Variants in DYSF observed in about 807,000 individuals in gnomAD.
The protein encoded by DYSF is dystrophy-associated fer-1-like 1.
A neutral mutation model predicts 274.9 loss-of-function variants in DYSF; 212 were observed. The observed-to-expected ratio is 0.77, with a 90% confidence interval of 0.69 to 0.86. The LOEUF is 0.86. Among genes scored for constraint, DYSF ranks in the 40% least tolerant of loss-of-function variants. DYSF has a pLI of 0.00. For missense variants in DYSF, 2,666 were observed against 2,783.2 expected, an observed-to-expected ratio of 0.96 and a Z score of 0.95; for synonymous variants, 1,091 against 1,078.7, an observed-to-expected ratio of 1.01 and a Z score of -0.22.
At chr2:71,526,105 T>C in intron 12 of DYSF, 115 bp from the exon 13 acceptor site, 1 of 1,590,376 alleles carries the variant, frequency 6.3e-7, no homozygotes, top group Non-Finnish European at 8.6e-7. Context: ...CGGAGCGCAG[T>C]CTGCCTTACT....
At chr2:71,537,756 G>A (rs745312838) in intron 16 of DYSF, among the ~76,000 whole-genome samples, 1 of 152,146 alleles carries the variant, frequency 6.6e-6, no homozygotes, top group African/African-American at 2.4e-5. Flanking sequence ...AAGAAAAATT[G>A]AAGCACCATG....
chr2:71,666,168 CG>C (rs1162988183), intron 47 of DYSF, among the ~76,000 whole-genome samples: 1 of 151,940 alleles, frequency 6.6e-6, no homozygotes, highest in Non-Finnish European at 1.5e-5. Flanking sequence ...CATCTGTTTT[CG>C]GGGGAGTCTC....
intron 17 of DYSF, among the ~76,000 whole-genome samples, chr2:71,540,901 C>T (rs967203540): frequency 6.6e-6 from 1 of 152,024 alleles, no homozygotes; most frequent in Non-Finnish European, 1.5e-5. Context: ...TTTTATGTAG[C>T]CAAATCTGTT....
chr2:71,661,208 A>T (rs575044012), intron 45 of DYSF, among the ~76,000 whole-genome samples: 5 of 150,990 alleles, frequency 3.3e-5, no homozygotes, highest in African/African-American at 1.2e-4. Flanking sequence ...TTTTTAAGAT[A>T]AACTTTTACT....
In DYSF at chr2:71,528,308, C is replaced by T. The variant is rs769254776; in HGVS notation, c.1287C>T (p.Ala429=). 3.5e-5 allele frequency: 56 copies of T among 1,613,768 alleles called. No individual in the cohort carries two copies. The highest frequency in any genetic ancestry group is 3.3e-4 in the East Asian group (15 of 44,884). Residue 429 remains alanine, a synonymous_variant, in exon 14 of 56, where the codon GCC becomes GCT. Transcript: ENST00000410020. ...TGTCCCTCTTCCCAGTGGACGATGC[C>T]GTGATGGACAACGTGAAACAGATCT... ...RAEDLPQMDD[A]VMDNVKQIFG...
At chr2:71,641,873 T>C (rs145720505) in intron 41 of DYSF, among the ~76,000 whole-genome samples, 7 of 152,348 alleles carry the variant, frequency 4.6e-5, no homozygotes, top group Admixed American at 1.3e-4. Context: ...GATAGTGGTT[T>C]TATTTCTGGG....
At chr2:71,683,494 T>A (rs571205887) in intron 55 of DYSF, among the ~76,000 whole-genome samples, 1 of 152,352 alleles carries the variant, frequency 6.6e-6, no homozygotes, top group Non-Finnish European at 1.5e-5. Flanking sequence ...GACACCTGAT[T>A]TCTAATGCTC....
chr2:71,623,421 C>T (rs991890533), intron 41 of DYSF, among the ~76,000 whole-genome samples: 2 of 149,068 alleles, frequency 1.3e-5, no homozygotes, highest in South Asian at 2.1e-4. Flanking sequence ...CGAGAATATG[C>T]GGTGTTTGGT....
In DYSF at chr2:71,466,856, T is replaced by C; in HGVS notation, c.14T>C (p.Leu5Pro). Residue 5 changes from leucine to proline, a missense_variant, in exon 1 of 56, where the codon CTG becomes CCG. Transcript: ENST00000410020. The part of the protein sequence containing the change: MLCC[L>P]LVRASNLPSA... Reference sequence around the variant, plus strand: ...GGCTGCCCAGCCATGCTGTGCTGCCTGCTGGTGAGGGCCAGCAACCTCCCC... The same window carrying C: ...GGCTGCCCAGCCATGCTGTGCTGCCCGCTGGTGAGGGCCAGCAACCTCCCC... The C allele has an allele frequency of 1.3e-6, 2 of 1,542,082 alleles. No homozygotes were observed. The highest frequency in any genetic ancestry group is 1.4e-5 in the African/African-American group (1 of 73,006).
In DYSF at chr2:71,569,928, C is replaced by G; in HGVS notation, c.2973C>G (p.Thr991=). ...GQWIYMSDNY[T]DVNGEKVLPK... Reference sequence around the variant, plus strand: ...GGATCTACATGAGTGACAACTACACCGATGTGGTAAAGCAGGCACTCAGGG... The same window carrying G: ...GGATCTACATGAGTGACAACTACACGGATGTGGTAAAGCAGGCACTCAGGG... The change falls in exon 27 of 56, where the codon ACC becomes ACG. Residue 991 remains threonine, a synonymous_variant. Coordinates refer to ENST00000410020, the MANE Select transcript of DYSF (RefSeq NM_001130987.2). 1 of 1,613,840 alleles carries G rather than the reference C, an allele frequency of 6.2e-7. No homozygotes were observed. The highest frequency in any genetic ancestry group is 8.5e-7 in the Non-Finnish European group (1 of 1,179,836).
rs61404609 is a variant in DYSF, at chr2:71,658,840, G to A, written c.4756-38G>A. On this transcript the variant is annotated intron_variant, in intron 43 of 55. Transcript: ENST00000410020. ...GACACAGCCAAACCATATCAACAAT[G>A]ATGATAAAAATGAAAATTAACCCTT... The A allele has an allele frequency of 2.2e-3, 3,561 of 1,613,520 alleles. 70 individuals are homozygous for A. In the African/African-American group the frequency reaches 0.04, roughly 18 times the overall value.
chr2:71,482,711 T>C (rs2083031406), intron 3 of DYSF, among the ~76,000 whole-genome samples: 1 of 152,060 alleles, frequency 6.6e-6, no homozygotes, highest in Admixed American at 6.5e-5. Flanking sequence ...GTGGGTGGAC[T>C]GGGAGACATA....
chr2:71,581,296 C>T (rs935382841), intron 30 of DYSF, among the ~76,000 whole-genome samples: 1 of 152,220 alleles, frequency 6.6e-6, no homozygotes, highest in African/African-American at 2.4e-5. Context: ...AGGGGCCAGC[C>T]AGTAGTTTTG....
chr2:71,627,428 G>A (rs1190464227), intron 41 of DYSF, among the ~76,000 whole-genome samples: 2 of 152,008 alleles, frequency 1.3e-5, no homozygotes, highest in East Asian at 1.9e-4. Context: ...AACTGGAATG[G>A]TCTCTATGGT....
intron 32 of DYSF, among the ~76,000 whole-genome samples, chr2:71,592,706 T>C (rs960535285): frequency 6.6e-6 from 1 of 152,204 alleles, no homozygotes; most frequent in Non-Finnish European, 1.5e-5. Context: ...GGGCCCTCCT[T>C]GAACCACTCT....
At chr2:71,617,559 A>AGTGTATGTGGTAGAGGTGGTGTGT (rs1322884113) in intron 40 of DYSF, among the ~76,000 whole-genome samples, 42 of 150,790 alleles carry the variant, frequency 2.8e-4, no homozygotes, top group African/African-American at 9.5e-4. Flanking sequence ...TGTATGTATG[A>AGTGTATGTGGTAGAGGTGGTGTGT]GTGTATGTGG....
intron 12 of DYSF, among the ~76,000 whole-genome samples, chr2:71,522,873 C>T (rs1428557400): frequency 6.6e-6 from 1 of 152,136 alleles, no homozygotes; most frequent in African/African-American, 2.4e-5. Flanking sequence ...CCCTCAATCC[C>T]CATGCAAGCA....
chr2:71,496,777 C>T lies in DYSF; in HGVS notation c.240-6437C>T, dbSNP rs186427117. On this transcript the variant is annotated intron_variant, in intron 3 of 55. Transcript: ENST00000410020. ...CCAAGGTCAACAAGGCTCCAGATGTCGAAGCATCAGAAATACAAAAAACAT... is the reference window on the plus strand; with the variant it reads ...CCAAGGTCAACAAGGCTCCAGATGTTGAAGCATCAGAAATACAAAAAACAT... Among the ~76,000 whole-genome samples, 116 of 152,010 alleles carry T rather than the reference C, an allele frequency of 7.6e-4. 1 individual carries two copies. The highest frequency in any genetic ancestry group is 2.8e-3 in the African/African-American group (114 of 41,424).
chr2:71,500,178 G>A (rs538403071), intron 3 of DYSF, among the ~76,000 whole-genome samples: 17 of 152,106 alleles, frequency 1.1e-4, no homozygotes, highest in Non-Finnish European at 2.1e-4. Flanking sequence ...AATGATGAGT[G>A]GCCTTCTGGG....
Sources: gnomAD v4.1 joint callset for allele counts (sites outside exome capture counted in the v4.1 genomes callset) on GRCh38, gnomAD v4.1.1 for gene constraint, MANE v1.5 for transcripts, NCBI Gene and HGNC (gene_info 2026-07-23, HGNC 2026-07-21) for gene names.